Variants in TENM3 observed in about 807,000 individuals in gnomAD.
TENM3 encodes the protein teneurin transmembrane protein 3, also known as teneurin-3.
In TENM3, 63 loss-of-function variants were observed where a neutral mutation model predicts 255.1. The ratio of observed to expected loss-of-function variants is 0.25; its 90% CI spans 0.20 to 0.30. The LOEUF is 0.30. TENM3 is among the 10% of genes least tolerant of loss of function. TENM3 has a pLI of 1.00. For synonymous variants in TENM3, 1,306 were observed against 1,322.3 expected (o/e 0.99, Z 0.27); for missense variants, 2,929 against 3,461.1 (o/e 0.85, Z 3.86).
intron 3 of TENM3, among the ~76,000 whole-genome samples, chr4:182,460,916 T>C (rs893458445): frequency 2.6e-5 from 4 of 152,174 alleles, no homozygotes; most frequent in Admixed American, 2.6e-4. Context: ...GAAAATTAAT[T>C]CATAAATTTA....
intron 1 of TENM3, among the ~76,000 whole-genome samples, chr4:182,314,968 T>G (rs561059530): frequency 3.9e-5 from 6 of 152,308 alleles, no homozygotes; most frequent in African/African-American, 1.4e-4. Context: ...CAGTGCCCTG[T>G]TTAGGGTTTA....
At chr4:182,185,985 A>C (rs1753124316) in intron 1 of TENM3, among the ~76,000 whole-genome samples, 3 of 152,244 alleles carry the variant, frequency 2.0e-5, no homozygotes, top group Admixed American at 2.0e-4. Context: ...TAAGATAATT[A>C]AAGTAATGGA....
At chr4:181,565,052 G>C in the TENM3 span, among the ~76,000 whole-genome samples, 1 of 152,134 alleles carries the variant, frequency 6.6e-6, no homozygotes, top group Non-Finnish European at 1.5e-5. Flanking sequence ...TAATATTTCA[G>C]TTTGCTTATT....
At chr4:181,750,003 G>A in the TENM3 span, among the ~76,000 whole-genome samples, 1 of 152,088 alleles carries the variant, frequency 6.6e-6, no homozygotes, top group Non-Finnish European at 1.5e-5. Flanking sequence ...TCCCTCCCAA[G>A]TCAATGAGAT....
chr4:182,100,882 G>C, the TENM3 span, among the ~76,000 whole-genome samples: 1 of 127,270 alleles, frequency 7.9e-6, no homozygotes. Context: ...TATAGAGAGA[G>C]AGAGAGAGAA....
intron 3 of TENM3, among the ~76,000 whole-genome samples, chr4:182,351,043 TA>T (rs1401522115): frequency 2.6e-5 from 4 of 152,098 alleles, no homozygotes; most frequent in Non-Finnish European, 5.9e-5. Flanking sequence ...GCAAGTGCTA[TA>T]ATCTGACCTC....
Position 182,799,991 on chromosome 4 carries a change from G to A in TENM3, c.7740G>A (p.Ser2580=), listed in dbSNP as rs1274650078. 3 of 1,591,910 alleles carry A rather than the reference G, an allele frequency of 1.9e-6. No homozygotes were observed. The highest frequency in any genetic ancestry group is 8.5e-7 in the Non-Finnish European group (1 of 1,170,112). Residue 2580 remains serine, a synonymous_variant, in exon 28 of 28, where the codon TCG becomes TCA. Coordinates refer to ENST00000511685, the MANE Select transcript of TENM3 (RefSeq NM_001080477.4). The surrounding 1 kb of genome is among the most constrained non-coding windows in gnomAD (Gnocchi z 4.2). ...ALENGINVTV[S]QSTTVVNGRT... is the part of the protein sequence containing the mutation. ...AGAACGGCATCAACGTGACGGTGTC[G>A]CAGTCCACCACGGTGGTGAACGGCA...
At chr4:181,973,959 G>A in the TENM3 span, among the ~76,000 whole-genome samples, 1 of 152,160 alleles carries the variant, frequency 6.6e-6, no homozygotes, top group Admixed American at 6.5e-5. Context: ...CACCGGCAGG[G>A]GTAGGCTGGG....
intron 1 of TENM3, among the ~76,000 whole-genome samples, chr4:182,219,940 C>T (rs1755746581): frequency 6.6e-6 from 1 of 152,160 alleles, no homozygotes; most frequent in African/African-American, 2.4e-5. Context: ...TAATATGCCT[C>T]TGTATGTATT....
At chr4:182,430,205 C>T (rs1460898448) in intron 3 of TENM3, among the ~76,000 whole-genome samples, 1 of 152,192 alleles carries the variant, frequency 6.6e-6, no homozygotes, top group Non-Finnish European at 1.5e-5. Flanking sequence ...GCCACTTCTT[C>T]TGCAAAGAGG....
At chr4:181,532,554 A>G in the TENM3 span, among the ~76,000 whole-genome samples, 1 of 152,200 alleles carries the variant, frequency 6.6e-6, no homozygotes, top group African/African-American at 2.4e-5. Flanking sequence ...TGGAGGGAAC[A>G]GGTTCTGGTT....
the TENM3 span, among the ~76,000 whole-genome samples, chr4:181,703,840 C>A: frequency 7.2e-5 from 11 of 152,020 alleles, no homozygotes; most frequent in South Asian, 2.3e-3. Context: ...AACAGAAAAG[C>A]AGCATATTGT....
At chr4:182,521,138 G>C (rs899837846) in intron 3 of TENM3, among the ~76,000 whole-genome samples, 2 of 152,126 alleles carry the variant, frequency 1.3e-5, no homozygotes, top group African/African-American at 4.8e-5. Flanking sequence ...CACAATTCAA[G>C]GTTAAATGGG....
At chr4:182,479,971 G>C (rs1734037969) in intron 3 of TENM3, among the ~76,000 whole-genome samples, 2 of 151,818 alleles carry the variant, frequency 1.3e-5, no homozygotes, top group African/African-American at 4.8e-5. Flanking sequence ...ATTTAGAAAA[G>C]ACAAAAGTAA....
chr4:182,752,072 T>C, intron 20 of TENM3, 40 bp downstream of exon 20: 1 of 1,037,892 alleles, frequency 9.6e-7, no homozygotes, highest in Non-Finnish European at 1.3e-6. Context: ...TTTTTATTTA[T>C]TAAAAAAAAA....
the TENM3 span, among the ~76,000 whole-genome samples, chr4:182,102,213 A>G: frequency 2.0e-4 from 31 of 152,216 alleles, no homozygotes; most frequent in Non-Finnish European, 3.1e-4. Context: ...GCTGCCAGCT[A>G]GTGACAGCAT....
At chr4:182,556,694 A>G (rs906884093) in intron 3 of TENM3, among the ~76,000 whole-genome samples, 1 of 152,154 alleles carries the variant, frequency 6.6e-6, no homozygotes, top group Non-Finnish European at 1.5e-5. Context: ...CATTTGGGAA[A>G]TCTTAAGAGG....
the TENM3 span, among the ~76,000 whole-genome samples, chr4:181,647,284 A>G: frequency 9.8e-5 from 15 of 152,366 alleles, no homozygotes; most frequent in Admixed American, 2.6e-4. Flanking sequence ...TGTTTGATGG[A>G]ACATTTAACA....
At chr4:181,588,046 C>T in the TENM3 span, among the ~76,000 whole-genome samples, 61 of 152,248 alleles carry the variant, frequency 4.0e-4, no homozygotes, top group African/African-American at 1.5e-3. Context: ...TGCACCTGGT[C>T]ACGGGAAAGC....
Sources: gnomAD v4.1 joint callset for allele counts (sites outside exome capture counted in the v4.1 genomes callset) on GRCh38, gnomAD v4.1.1 for gene constraint, Gnocchi (gnomAD v3.1) non-coding constraint, MANE v1.5 for transcripts, NCBI Gene and HGNC (gene_info 2026-07-23, HGNC 2026-07-21) for gene names.